NPAS2: variants seen among roughly 807,000 people sequenced by gnomAD.
The protein encoded by NPAS2 is neuronal PAS domain protein 2, also known as neuronal PAS domain-containing protein 2.
NPAS2 carries 23 observed loss-of-function variants against 107.5 expected under a neutral mutation model. That is an observed-to-expected ratio of 0.21 (90% CI 0.15 to 0.30). NPAS2 has a LOEUF of 0.30. Ranked by LOEUF, NPAS2 falls within the 10% of genes least tolerant of loss-of-function variation. The probability of loss-of-function intolerance (pLI) is 1.00; values close to 1 mark genes in which losing one functional copy is unlikely to be tolerated. For missense variants in NPAS2, 756 were observed against 1,043.3 expected (o/e 0.72, Z 3.79); for synonymous variants, 403 against 417.5 (o/e 0.97, Z 0.42).
At position 100,842,081 on chromosome 2, in the gene NPAS2, G is replaced by GCGCGCGCACACACACA; in HGVS notation, c.-23+21668_-23+21669insGCGCGCACACACACAC. ...TTCATGCATGAGTGTGCATGTACGC[G>GCGCGCGCACACACACA]CACACACACACACACACACACACAC... On this transcript the variant is annotated intron_variant, in intron 1 of 20. Transcript: ENST00000335681. Among the ~76,000 whole-genome samples the GCGCGCGCACACACACA allele has an allele frequency of 3.0e-3, 446 of 148,900 alleles. 2 individuals are homozygous for GCGCGCGCACACACACA. The highest frequency in any genetic ancestry group is 0.01 in the African/African-American group (427 of 40,716).
intron 7 of NPAS2, among the ~76,000 whole-genome samples, chr2:100,950,404 C>G (rs1463834564): frequency 6.6e-6 from 1 of 152,142 alleles, no homozygotes; most frequent in African/African-American, 2.4e-5. Flanking sequence ...ATGCAGAGAG[C>G]AGATGATGAC....
intron 1 of NPAS2, among the ~76,000 whole-genome samples, chr2:100,836,844 G>A (rs536357291): frequency 1.3e-5 from 2 of 152,290 alleles, no homozygotes; most frequent in South Asian, 2.1e-4. Flanking sequence ...TTCCCAGATA[G>A]GGAAATGTGT....
intron 2 of NPAS2, among the ~76,000 whole-genome samples, chr2:100,907,489 A>AACACACACACACACAC (rs55951417): frequency 6.9e-6 from 1 of 144,678 alleles, no homozygotes; most frequent in African/African-American, 2.6e-5. Flanking sequence ...AACACTTGGG[A>AACACACACACACACAC]ACACACACAC....
intron 15 of NPAS2, among the ~76,000 whole-genome samples, chr2:100,980,185 G>A (rs773316857): frequency 6.6e-6 from 1 of 152,112 alleles, no homozygotes; most frequent in Non-Finnish European, 1.5e-5. Context: ...GTGAGAGGCA[G>A]CCACCACCTC....
At position 100,887,419 on chromosome 2, in the gene NPAS2, C is replaced by T. The variant is rs576563135; in HGVS notation, c.-22-17314C>T. Among the ~76,000 whole-genome samples, 150 of 152,348 alleles carry T rather than the reference C, an allele frequency of 9.8e-4. 1 individual carries two copies. The highest frequency in any genetic ancestry group is 3.4e-3 in the African/African-American group (142 of 41,584). On this transcript the variant is annotated intron_variant, in intron 1 of 20. Transcript: ENST00000335681. ...CACTGAACCACTGACTCAAGTCCGT[C>T]CTCAGCTCCAGTGAGCCTCTTGTTA...
At chr2:100,931,157 C>T (rs1397809601) in intron 3 of NPAS2, among the ~76,000 whole-genome samples, 1 of 152,210 alleles carries the variant, frequency 6.6e-6, no homozygotes, top group Non-Finnish European at 1.5e-5. Flanking sequence ...GCATATGAGG[C>T]CCGACACTGG....
chr2:100,886,456 G>C (rs142694751), intron 1 of NPAS2, among the ~76,000 whole-genome samples: 2 of 152,330 alleles, frequency 1.3e-5, no homozygotes, highest in African/African-American at 4.8e-5. Flanking sequence ...TTTAAATGTA[G>C]AAGCATTTAA....
intron 3 of NPAS2, among the ~76,000 whole-genome samples, chr2:100,929,793 G>C (rs1021890998): frequency 4.6e-5 from 7 of 152,238 alleles, no homozygotes; most frequent in African/African-American, 1.7e-4. Context: ...CCGGTGTGCA[G>C]TGAGGGTTAA....
At chr2:100,859,848 TTA>T (rs1678825394) in intron 1 of NPAS2, among the ~76,000 whole-genome samples, 1 of 152,198 alleles carries the variant, frequency 6.6e-6, no homozygotes, top group Non-Finnish European at 1.5e-5. Flanking sequence ...ACTAGCTTCC[TTA>T]TAGCCTTTGC....
chr2:100,975,855 G>C (rs568705589), intron 14 of NPAS2, among the ~76,000 whole-genome samples: 2 of 152,330 alleles, frequency 1.3e-5, no homozygotes, highest in African/African-American at 4.8e-5. Flanking sequence ...CATACCCCCA[G>C]AGCCCCTGGG....
intron 10 of NPAS2, among the ~76,000 whole-genome samples, chr2:100,967,658 T>G (rs557056254): frequency 5.9e-5 from 9 of 152,206 alleles, no homozygotes; most frequent in Admixed American, 6.5e-5. Context: ...GTAGTCCATC[T>G]TTCTGCCCTG....
intron 7 of NPAS2, among the ~76,000 whole-genome samples, chr2:100,950,013 C>G (rs926262158): frequency 3.9e-5 from 6 of 152,228 alleles, no homozygotes; most frequent in African/African-American, 1.2e-4. Context: ...GTAGCAAAGT[C>G]TTATTTTCTG....
intron 8 of NPAS2, among the ~76,000 whole-genome samples, chr2:100,964,501 G>C (rs1676100135): frequency 6.6e-6 from 1 of 152,170 alleles, no homozygotes; most frequent in African/African-American, 2.4e-5. Flanking sequence ...GGAGCGCTGG[G>C]GGTTTGTCTG....
intron 12 of NPAS2, among the ~76,000 whole-genome samples, chr2:100,973,169 A>T (rs1194968866): frequency 7.3e-5 from 11 of 150,690 alleles, no homozygotes. Flanking sequence ...ACAGAGCGAG[A>T]CTCCGTCTCA....
At chr2:100,918,889 G>T (rs759595044) in intron 2 of NPAS2, among the ~76,000 whole-genome samples, 45 of 152,306 alleles carry the variant, frequency 3.0e-4, no homozygotes, top group Non-Finnish European at 6.0e-4. Flanking sequence ...TCTAGTCCTG[G>T]ATTCTTTACT....
At chr2:100,938,587 C>T (rs1447291285) in intron 5 of NPAS2, among the ~76,000 whole-genome samples, 6 of 142,084 alleles carry the variant, frequency 4.2e-5, no homozygotes, top group Non-Finnish European at 7.7e-5. Context: ...TCCTCCCTCC[C>T]TCCCTCCCTC....
At chr2:100,860,126 T>C (rs1678847187) in intron 1 of NPAS2, among the ~76,000 whole-genome samples, 2 of 152,208 alleles carry the variant, frequency 1.3e-5, no homozygotes, top group Non-Finnish European at 2.9e-5. Context: ...CACGTTGCAT[T>C]TCGTTGTCTT....
chr2:100,982,104 CT>C lies in NPAS2; in HGVS notation c.1483-125del, dbSNP rs1373192665. ...CTGCCCAGGACCCAGCCGTGGGCTCCTTAGGGATGCTGGGAAAGACGGCTAA... is the reference window on the plus strand; with the variant it reads ...CTGCCCAGGACCCAGCCGTGGGCTCCTAGGGATGCTGGGAAAGACGGCTAA... On this transcript the variant is annotated intron_variant, in intron 15 of 20. Transcript: ENST00000335681. The C allele has an allele frequency of 6.6e-6, 8 of 1,204,230 alleles. No individual in the cohort carries two copies. In the East Asian group the frequency reaches 2.0e-4, roughly 31 times the overall value. The allele number at this position is 1,204,230 out of a possible 1,614,324, so 74.6% of individuals were successfully genotyped here. A position where few individuals can be genotyped will look rare whatever the true frequency, so the allele number is the denominator to read the frequency against.
chr2:100,984,543 C>T (rs2105293116), intron 16 of NPAS2: 1 of 152,008 alleles, frequency 6.6e-6, no homozygotes, highest in East Asian at 1.9e-4. Flanking sequence ...AATGAAAAAT[C>T]ATCTGTGAGT....
Sources: allele counts gnomAD v4.1 joint callset (sites outside exome capture counted in the v4.1 genomes callset), GRCh38; gene constraint gnomAD v4.1.1; transcripts MANE v1.5; gene names NCBI Gene and HGNC (gene_info 2026-07-23, HGNC 2026-07-21).